Variants in USP43 observed in about 807,000 individuals in gnomAD.
USP43 encodes ubiquitin carboxyl-terminal hydrolase 43.
In USP43, 33 loss-of-function variants were observed where a neutral mutation model predicts 90.7. The observed-to-expected ratio is 0.36, with a 90% CI of 0.28 to 0.49. The LOEUF is 0.49. Ranked by LOEUF, USP43 falls within the 20% of genes least tolerant of loss-of-function variation. USP43 has a pLI of 0.98. For synonymous variants in USP43, 598 were observed against 615.8 expected, an observed-to-expected ratio of 0.97 and a Z score of 0.43; for missense variants, 1,274 against 1,476.4, an observed-to-expected ratio of 0.86 and a Z score of 2.25.
intron 8 of USP43, among the ~76,000 whole-genome samples, chr17:9,691,850 G>T (rs761982206): frequency 1.3e-5 from 2 of 151,226 alleles, no homozygotes; most frequent in Non-Finnish European, 2.9e-5. Flanking sequence ...GACCATCCTG[G>T]CTAACATGGT....
chr17:9,702,632 G>GTGTTTTCAGAGAA (rs141834198), intron 12 of USP43, among the ~76,000 whole-genome samples: 10,375 of 152,188 alleles, frequency 0.068, 527 homozygotes, highest in African/African-American at 0.12. Flanking sequence ...TTTTCAGAGA[G>GTGTTTTCAGAGAA]TGTCATGAGG....
At chr17:9,715,933 G>A (rs1404145876) in intron 14 of USP43, among the ~76,000 whole-genome samples, 3 of 150,906 alleles carry the variant, frequency 2.0e-5, no homozygotes, top group Non-Finnish European at 2.9e-5. Flanking sequence ...GTCTGTGTGT[G>A]TGTTTCTGTG....
intron 12 of USP43, among the ~76,000 whole-genome samples, chr17:9,705,550 T>A (rs1183564672): frequency 1.3e-5 from 2 of 151,588 alleles, no homozygotes; most frequent in Non-Finnish European, 1.5e-5. Context: ...AGGTTAGGAG[T>A]TCAAGACCAG....
In USP43 at chr17:9,710,040, C is replaced by T. The variant is rs751019443; in HGVS notation, c.2096C>T (p.Thr699Ile). The T allele has an allele frequency of 1.9e-6, 3 of 1,575,026 alleles. No individual in the cohort carries two copies. Among genetic ancestry groups the T allele is most frequent in the African/African-American group, 2.7e-5 (2 of 72,932 alleles). Reference protein sequence around the residue: ...VEPLREDEVNTRGAYILFYQK... With the variant: ...VEPLREDEVNIRGAYILFYQK... ...CCGCTTCGAGAAGATGAGGTCAACACCAGAGGGGCTTATATCCTGTTCTAT... is the reference window on the plus strand; with the variant it reads ...CCGCTTCGAGAAGATGAGGTCAACATCAGAGGGGCTTATATCCTGTTCTAT... The change falls in exon 13 of 15, where the codon ACC (threonine) becomes ATC (isoleucine). Residue 699 changes from threonine (T) to isoleucine (I), a missense_variant. By Grantham distance (89) the Thr-to-Ile change is moderately conservative. Around this residue, in one of 6 missense-constraint regions of USP43, gnomAD observed 285 missense variants for 349.6 expected, o/e 0.82. Transcript: ENST00000285199.
intron 12 of USP43, among the ~76,000 whole-genome samples, chr17:9,706,684 C>G (rs1201900263): frequency 7.8e-6 from 1 of 127,592 alleles, no homozygotes; most frequent in Non-Finnish European, 1.6e-5. Flanking sequence ...CGCTCTGTGT[C>G]CCAGGCTGGA....
chr17:9,670,885 G>A (rs921289391), intron 3 of USP43, among the ~76,000 whole-genome samples: 24 of 152,170 alleles, frequency 1.6e-4, no homozygotes, highest in Admixed American at 3.9e-4. Context: ...ACAAGGTGTC[G>A]TCAGGGATGC....
At chr17:9,715,030 C>T (rs1916419621) in intron 14 of USP43, among the ~76,000 whole-genome samples, 1 of 152,118 alleles carries the variant, frequency 6.6e-6, no homozygotes, top group Admixed American at 6.6e-5. Context: ...GCAGTGTGTA[C>T]ACACTCCAGC....
At chr17:9,681,504 A>ATATATG (rs1914286781) in intron 6 of USP43, among the ~76,000 whole-genome samples, 1 of 95,714 alleles carries the variant, frequency 1.0e-5, no homozygotes, top group African/African-American at 4.1e-5. Context: ...ATATATATAT[A>ATATATG]TATATTTGAG....
At chr17:9,678,085 G>A (rs2151974150) in intron 5 of USP43, among the ~76,000 whole-genome samples, 1 of 152,256 alleles carries the variant, frequency 6.6e-6, no homozygotes, top group Non-Finnish European at 1.5e-5. Flanking sequence ...GAGAGTCCTG[G>A]GGAGAAAGTG....
intron 1 of USP43, 130 bp downstream of exon 1, chr17:9,646,266 C>A (rs1012725167): frequency 8.1e-7 from 1 of 1,227,760 alleles, no homozygotes; most frequent in African/African-American, 1.6e-5. Context: ...CCCGGATTAC[C>A]GGCTTTGTTT....
chr17:9,670,454 G>A (rs866527940), intron 3 of USP43, among the ~76,000 whole-genome samples: 32 of 152,240 alleles, frequency 2.1e-4, no homozygotes, highest in Middle Eastern at 6.8e-3. Flanking sequence ...CAGAGGTGGC[G>A]GTAGAGATGG....
intron 2 of USP43, among the ~76,000 whole-genome samples, chr17:9,665,388 A>G (rs559265510): frequency 1.3e-5 from 2 of 152,304 alleles, no homozygotes; most frequent in African/African-American, 4.8e-5. Context: ...GCCTCAGGAA[A>G]CTTACAGTCA....
At chr17:9,658,721 A>G (rs1179830929) in intron 2 of USP43, among the ~76,000 whole-genome samples, 1 of 152,222 alleles carries the variant, frequency 6.6e-6, no homozygotes, top group Non-Finnish European at 1.5e-5. Context: ...GTCTCACTTA[A>G]GGAAAGGGCA....
intron 7 of USP43, 64 bp downstream of exon 7, chr17:9,683,022 C>A: frequency 6.4e-7 from 1 of 1,567,384 alleles, no homozygotes. Context: ...ACTTGGGAGC[C>A]TGTCTAGAGT....
At chr17:9,718,659 A>T (rs1916749026) in intron 14 of USP43, among the ~76,000 whole-genome samples, 1 of 151,870 alleles carries the variant, frequency 6.6e-6, no homozygotes, top group African/African-American at 2.4e-5. Context: ...TGACCAACAT[A>T]GAGAAACTCC....
rs751878727 is a variant in USP43, at chr17:9,666,682, G to A, written c.671G>A (p.Cys224Tyr). ...GAAGCCACTAAAACCTCTGAGAACT[G>A]CCTGTCACCATCAGCTCAGCTTCCT... Reference protein sequence around the residue: ...PPEATKTSENCLSPSAQLPLG... With the variant: ...PPEATKTSENYLSPSAQLPLG... The change falls in exon 3 of 15, where the codon TGC becomes TAC. Residue 224 changes from cysteine to tyrosine, a missense_variant. By Grantham distance (194) the Cys-to-Tyr change is radical. Coordinates refer to ENST00000285199, the MANE Select transcript of USP43 (RefSeq NM_153210.5). The A allele has an allele frequency of 5.6e-6, 9 of 1,613,294 alleles. No homozygotes were observed. The East Asian group carries it at 2.0e-4, about 36-fold the overall frequency.
At chr17:9,657,724 A>G (rs1198331713) in intron 2 of USP43, among the ~76,000 whole-genome samples, 1 of 151,022 alleles carries the variant, frequency 6.6e-6, no homozygotes, top group Non-Finnish European at 1.5e-5. Flanking sequence ...GAACTCACTC[A>G]CAATCATAAG....
chr17:9,686,754 G>C lies in USP43; in HGVS notation c.1242-44G>C, dbSNP rs1914615468. Reference sequence around the variant, plus strand: ...CCACTCATGACTGGTGGATGTTGCTGGTTTTTCCTTTGCTGGGATAACCCG... The same window carrying C: ...CCACTCATGACTGGTGGATGTTGCTCGTTTTTCCTTTGCTGGGATAACCCG... On this transcript the variant is annotated intron_variant, in intron 7 of 14. Coordinates refer to ENST00000285199, the MANE Select transcript of USP43 (RefSeq NM_153210.5). The surrounding 1 kb of genome is among the most constrained non-coding windows in gnomAD (Gnocchi z 5.5). 6.4e-7 allele frequency: 1 copy of C among 1,573,518 alleles called. No individual in the cohort carries two copies. Among genetic ancestry groups the C allele is most frequent in the Admixed American group, 1.7e-5 (1 of 57,812 alleles).
At chr17:9,721,868 T>C (rs954116567) in intron 14 of USP43, among the ~76,000 whole-genome samples, 1 of 150,804 alleles carries the variant, frequency 6.6e-6, no homozygotes, top group African/African-American at 2.4e-5. Context: ...GGATTACAGG[T>C]GACAGGTGCC....
Sources: allele counts gnomAD v4.1 joint callset (sites outside exome capture counted in the v4.1 genomes callset), GRCh38; gene constraint gnomAD v4.1.1; regional missense constraint gnomAD v4.1.1; non-coding constraint Gnocchi (gnomAD v3.1); transcripts MANE v1.5; gene names NCBI Gene and HGNC (gene_info 2026-07-23, HGNC 2026-07-21).